The following HK1 variants were observed in gnomAD, a reference collection of about 807,000 sequenced individuals.
HK1 encodes hexokinase 1.
HK1 carries 28 observed loss-of-function variants against 91.6 expected under a neutral mutation model. The ratio of observed to expected loss-of-function variants is 0.31; its 90% CI spans 0.23 to 0.42. The LOEUF is 0.42. Among genes scored for constraint, HK1 ranks in the 10% least tolerant of loss-of-function variants. The pLI is 1.00. For synonymous variants in HK1, 430 were observed against 468.1 expected (o/e 0.92, Z 1.05); for missense variants, 770 against 1,219.8 (o/e 0.63, Z 5.49).
intron 1 of HK1, among the ~76,000 whole-genome samples, chr10:69,276,090 C>CAAAAAAAAAAA (rs60324656): frequency 4.4e-4 from 7 of 15,946 alleles, no homozygotes; most frequent in Admixed American, 1.4e-3. Flanking sequence ...AACTCCTTTT[C>CAAAAAAAAAAA]AAAAAAAAAA....
At chr10:69,391,120 G>C (rs1431555159) in intron 14 of HK1, among the ~76,000 whole-genome samples, 1 of 152,206 alleles carries the variant, frequency 6.6e-6, no homozygotes, top group African/African-American at 2.4e-5. Context: ...CATATGTCAG[G>C]TTGCATGTGT....
intron 7 of HK1, among the ~76,000 whole-genome samples, chr10:69,372,985 T>G (rs1468096821): frequency 6.6e-6 from 1 of 152,174 alleles, no homozygotes. Context: ...TTCTCCTGCC[T>G]CAGCCTACCA....
At chr10:69,372,861 T>C (rs543016859) in intron 7 of HK1, among the ~76,000 whole-genome samples, 1 of 141,594 alleles carries the variant, frequency 7.1e-6, no homozygotes, top group Non-Finnish European at 1.5e-5. Flanking sequence ...ACCAGGGTTT[T>C]TTTTTTGTTG....
chr10:69,271,465 C>A, intron 1 of HK1, among the ~76,000 whole-genome samples: 1 of 140,280 alleles, frequency 7.1e-6, no homozygotes, highest in Admixed American at 8.0e-5. Context: ...ATAACAATGA[C>A]AATTTTGAAG....
chr10:69,290,874 C>T (rs1845269630), intron 3 of HK1, among the ~76,000 whole-genome samples: 1 of 152,142 alleles, frequency 6.6e-6, no homozygotes, highest in African/African-American at 2.4e-5. Flanking sequence ...CCTCATTCTC[C>T]TTTGTGGAAT....
intron 1 of HK1, among the ~76,000 whole-genome samples, chr10:69,281,608 A>G (rs1190747842): frequency 1.3e-5 from 2 of 152,222 alleles, no homozygotes; most frequent in African/African-American, 4.8e-5. Flanking sequence ...GATAGCTATC[A>G]TGATTCACAA....
At chr10:69,328,643 G>T (rs1847518392) in intron 1 of HK1, among the ~76,000 whole-genome samples, 1 of 152,126 alleles carries the variant, frequency 6.6e-6, no homozygotes, top group Admixed American at 6.6e-5. Flanking sequence ...TTTCTCAATT[G>T]AGTTATAATT....
At chr10:69,389,608 G>A (rs569174379) in intron 14 of HK1, among the ~76,000 whole-genome samples, 3 of 152,226 alleles carry the variant, frequency 2.0e-5, no homozygotes, top group South Asian at 4.1e-4. Flanking sequence ...TACCTGGAGC[G>A]GGCCTGGCAA....
intron 12 of HK1, 94 bp downstream of exon 12, chr10:69,385,009 G>A (rs1449641163): frequency 7.3e-7 from 1 of 1,371,456 alleles, no homozygotes; most frequent in Non-Finnish European, 1.0e-6. Flanking sequence ...CAGCCTCAGT[G>A]TCATTCCTAG....
chr10:69,339,161 G>A (rs1271874537), intron 1 of HK1, among the ~76,000 whole-genome samples: 1 of 152,196 alleles, frequency 6.6e-6, no homozygotes, highest in Non-Finnish European at 1.5e-5. Context: ...CTAGTCATGT[G>A]CTTTTCTCCA....
rs1476211695 is a variant in HK1, at chr10:69,325,209, T to G, written c.63+6199T>G. ...TGGGACTACAGGCGCCTGCCACCAC[T>G]CCCGTCTAATTTTTTGTATTTTTAG... On this transcript the variant is annotated intron_variant, in intron 1 of 17. Transcript: ENST00000359426. Among the ~76,000 whole-genome samples, 9 of 151,072 alleles carry G rather than the reference T, an allele frequency of 6.0e-5. No homozygotes were observed. In the South Asian group the frequency reaches 8.4e-4, roughly 14 times the overall value.
chr10:69,301,810 C>A (rs539683746), intron 5 of HK1, among the ~76,000 whole-genome samples: 2 of 152,248 alleles, frequency 1.3e-5, no homozygotes, highest in Admixed American at 1.3e-4. Flanking sequence ...AGATTCAACC[C>A]AATTCCTATG....
rs138069623 is a variant in HK1, at chr10:69,394,915, C to G, written c.2220-35C>G. On this transcript the variant is annotated intron_variant, in intron 15 of 17. Transcript: ENST00000359426. Reference sequence around the variant, plus strand: ...GGGGTGACAGTTCTCCTGGCCACTTCCCATAGACACCCCAGGCCCCTCCTC... The same window carrying G: ...GGGGTGACAGTTCTCCTGGCCACTTGCCATAGACACCCCAGGCCCCTCCTC... 569 of 1,612,670 alleles carry G rather than the reference C, an allele frequency of 3.5e-4. No individual in the cohort carries two copies. The African/African-American group carries it at 6.7e-3, about 19-fold the overall frequency.
At chr10:69,356,798 G>C (rs1467775645) in intron 2 of HK1, among the ~76,000 whole-genome samples, 1 of 147,184 alleles carries the variant, frequency 6.8e-6, no homozygotes, top group Non-Finnish European at 1.5e-5. Flanking sequence ...CAGGAGAATT[G>C]CTTGAACCCG....
At chr10:69,292,505 C>T (rs1246417928) in intron 3 of HK1, among the ~76,000 whole-genome samples, 1 of 152,196 alleles carries the variant, frequency 6.6e-6, no homozygotes, top group South Asian at 2.1e-4. Context: ...GCTATGCAAG[C>T]TTCCAGGAAC....
chr10:69,369,987 C>T lies in HK1; in HGVS notation c.875+363C>T, dbSNP rs150669563. 1.5e-3 allele frequency among the ~76,000 whole-genome samples: 229 copies of T among 152,358 alleles called. 2 individuals are homozygous for T. Among genetic ancestry groups the T allele is most frequent in the African/African-American group, 5.2e-3 (215 of 41,586 alleles). On this transcript the variant is annotated intron_variant, in intron 7 of 17. Coordinates refer to ENST00000359426, the MANE Select transcript of HK1 (RefSeq NM_000188.3). The surrounding 1 kb of genome is among the most constrained non-coding windows in gnomAD (Gnocchi z 4.4). ...TCCTGACTTCAAGCGATCTGCCTGC[C>T]TCAGCCTCCCAAAATGCTGGGGTTA...
intron 8 of HK1, among the ~76,000 whole-genome samples, chr10:69,378,312 A>C (rs1839217509): frequency 6.6e-6 from 1 of 151,858 alleles, no homozygotes; most frequent in South Asian, 2.1e-4. Flanking sequence ...GCTATCTCAA[A>C]AAAAAAAAAA....
chr10:69,271,164 G>C (rs894016159), intron 1 of HK1: 2 of 152,054 alleles, frequency 1.3e-5, no homozygotes, highest in Admixed American at 6.6e-5. Context: ...TGGTAAACAG[G>C]AACAAGGTGA....
In HK1 at chr10:69,276,138, T is replaced by TATATAC. The variant is rs753204633; in HGVS notation, c.-391+6031_-391+6032insTATACA. Among the ~76,000 whole-genome samples the TATATAC allele has an allele frequency of 2.8e-3, 212 of 76,372 alleles. 8 individuals are homozygous for TATATAC. Among genetic ancestry groups the TATATAC allele is most frequent in the Middle Eastern group, 0.01 (1 of 100 alleles). The allele number at this position is 76,372 out of a possible 152,430, so 50.1% of individuals were successfully genotyped here. ...AAAAAAATACATATATATATATATATACACATATATATATTCTATATTAAA... is the reference window on the plus strand; with the variant it reads ...AAAAAAATACATATATATATATATATATATACACACATATATATATTCTATATTAAA... On this transcript the variant is annotated intron_variant, in intron 1 of 21. Coordinates refer to the HK1 transcript ENST00000360289.
Sources: allele counts gnomAD v4.1 joint callset (sites outside exome capture counted in the v4.1 genomes callset), GRCh38; gene constraint gnomAD v4.1.1; non-coding constraint Gnocchi (gnomAD v3.1); transcripts MANE v1.5; gene names NCBI Gene and HGNC (gene_info 2026-07-23, HGNC 2026-07-21).